Variants in SNX29 observed in about 807,000 individuals in gnomAD.
SNX29 encodes the protein sorting nexin-29.
A neutral mutation model predicts 102.1 loss-of-function variants in SNX29; 78 were observed. The ratio of observed to expected loss-of-function variants is 0.76; its 90% CI spans 0.64 to 0.92. The LOEUF (loss-of-function observed/expected upper bound fraction) is 0.92, where lower values mean the gene tolerates loss of function less well. Ranked by LOEUF, SNX29 falls within the 40% of genes least tolerant of loss-of-function variation. The pLI, the probability that SNX29 is intolerant of heterozygous loss-of-function variation, is 0.00. For synonymous variants in SNX29, 580 were observed against 414.5 expected, an observed-to-expected ratio of 1.40 and a Z score of -4.85; for missense variants, 1,280 against 1,061.7, an observed-to-expected ratio of 1.21 and a Z score of -2.86.
At chr16:12,283,923 T>C (rs1455024052) in intron 15 of SNX29, among the ~76,000 whole-genome samples, 1 of 152,232 alleles carries the variant, frequency 6.6e-6, no homozygotes, top group Non-Finnish European at 1.5e-5. Flanking sequence ...GTGGTGATGC[T>C]CAGAATTTCT....
chr16:12,424,181 G>T (rs1157809457), intron 18 of SNX29, among the ~76,000 whole-genome samples: 1 of 152,200 alleles, frequency 6.6e-6, no homozygotes, highest in Non-Finnish European at 1.5e-5. Flanking sequence ...GCAGTGCAGC[G>T]ACTTTCTCTT....
chr16:12,109,987 T>C (rs193252), intron 11 of SNX29, among the ~76,000 whole-genome samples: 103,093 of 152,030 alleles, frequency 0.68, 36,030 homozygotes, highest in East Asian at 0.91. Context: ...CCTTGGCCTC[T>C]CAGAGTGCTG....
intron 18 of SNX29, among the ~76,000 whole-genome samples, chr16:12,454,970 A>G (rs1465544253): frequency 6.6e-6 from 1 of 151,924 alleles, no homozygotes; most frequent in African/African-American, 2.4e-5. Flanking sequence ...GTGGTCTCGA[A>G]CTCCTGACCT....
intron 11 of SNX29, among the ~76,000 whole-genome samples, chr16:12,118,482 G>A (rs2053834448): frequency 1.3e-5 from 2 of 151,684 alleles, no homozygotes; most frequent in South Asian, 4.2e-4. Flanking sequence ...ACCATGCCCG[G>A]CTGATTTTTG....
intron 14 of SNX29, among the ~76,000 whole-genome samples, chr16:12,252,789 T>C (rs1267647208): frequency 6.6e-6 from 1 of 152,180 alleles, no homozygotes; most frequent in East Asian, 1.9e-4. Context: ...CACCCAGCCA[T>C]GGGGAGCCTT....
At chr16:12,056,427 G>A (rs965061043) in intron 8 of SNX29, among the ~76,000 whole-genome samples, 1 of 152,212 alleles carries the variant, frequency 6.6e-6, no homozygotes, top group Admixed American at 6.5e-5. Context: ...CCACAGAGCA[G>A]CCTGGGGAAG....
chr16:12,181,784 C>T (rs1382955362), intron 13 of SNX29, among the ~76,000 whole-genome samples: 3 of 151,870 alleles, frequency 2.0e-5, no homozygotes, highest in Admixed American at 6.6e-5. Flanking sequence ...CCATGTAGGC[C>T]TTGTGGCTGT....
intron 13 of SNX29, among the ~76,000 whole-genome samples, chr16:12,172,659 G>A (rs2076175004): frequency 6.6e-6 from 1 of 152,160 alleles, no homozygotes; most frequent in African/African-American, 2.4e-5. Context: ...GATATTAAGG[G>A]CTCAAAGAAT....
rs745756900 is a variant in SNX29 at position 12,477,819 on chromosome 16, G to A, written c.2138G>A (p.Arg713Lys). 6 of 1,612,716 alleles carry A rather than the reference G, an allele frequency of 3.7e-6. No homozygotes were observed. The highest frequency in any genetic ancestry group is 5.1e-6 in the Non-Finnish European group (6 of 1,179,532). Reference sequence around the variant, plus strand: ...TTACAAAACAAGTACCCTCAAGTGAGGGCCTACAACTTCCCACCCAAAAAG... The same window carrying A: ...TTACAAAACAAGTACCCTCAAGTGAAGGCCTACAACTTCCCACCCAAAAAG... ...HKLQNKYPQV[R>K]AYNFPPKKAI... The change falls in exon 19 of 21, where the codon AGG becomes AAG. Residue 713 changes from arginine to lysine, a missense_variant. Coordinates refer to ENST00000566228, the MANE Select transcript of SNX29 (RefSeq NM_032167.5).
chr16:12,252,864 C>T (rs956314959), intron 14 of SNX29, among the ~76,000 whole-genome samples: 1 of 152,224 alleles, frequency 6.6e-6, no homozygotes, highest in Non-Finnish European at 1.5e-5. Context: ...GCTGGCTCTT[C>T]CAGCTGTCTA....
In SNX29 at chr16:12,476,825, C is replaced by A. The variant is rs74631872; in HGVS notation, c.2038-894C>A. ...GTTTGGGGTTGATGGGTGGCTTTCA[C>A]GTAGGAACAGAATTTATCACTCACA... On this transcript the variant is annotated intron_variant, in intron 18 of 20. Coordinates refer to ENST00000566228, the MANE Select transcript of SNX29 (RefSeq NM_032167.5). 5.6e-3 allele frequency among the ~76,000 whole-genome samples: 850 copies of A among 152,168 alleles called. 12 individuals are homozygous for A. Among genetic ancestry groups the A allele is most frequent in the East Asian group, 0.034 (175 of 5,170 alleles).
chr16:12,540,995 C>T (rs73508563), intron 20 of SNX29, among the ~76,000 whole-genome samples: 15 of 152,160 alleles, frequency 9.9e-5, no homozygotes, highest in Admixed American at 4.6e-4. Context: ...AAATGGTGAG[C>T]TCACTGCGGG....
At chr16:12,281,916 C>CT (rs2079443157) in intron 15 of SNX29, among the ~76,000 whole-genome samples, 1 of 151,708 alleles carries the variant, frequency 6.6e-6, no homozygotes, top group Non-Finnish European at 1.5e-5. Context: ...CAGATAGAAT[C>CT]TGTTTCCATT....
At chr16:12,493,297 A>C (rs573761030) in intron 19 of SNX29, among the ~76,000 whole-genome samples, 3,496 of 152,188 alleles carry the variant, frequency 0.023, 121 homozygotes, top group African/African-American at 0.078. Flanking sequence ...CTTTGAAGCA[A>C]TTGTGAATGG....
intron 14 of SNX29, among the ~76,000 whole-genome samples, chr16:12,211,364 C>T (rs2077178658): frequency 6.6e-6 from 1 of 152,144 alleles, no homozygotes; most frequent in Non-Finnish European, 1.5e-5. Flanking sequence ...ATAACAGAAG[C>T]TCTGTTCATT....
intron 18 of SNX29, among the ~76,000 whole-genome samples, chr16:12,464,152 G>C (rs147203580): frequency 1.3e-5 from 2 of 150,980 alleles, no homozygotes; most frequent in Non-Finnish European, 2.9e-5. Flanking sequence ...GGTGTAATAC[G>C]ATCCCCTCCA....
intron 18 of SNX29, among the ~76,000 whole-genome samples, chr16:12,436,301 G>A (rs950292980): frequency 2.6e-5 from 4 of 152,254 alleles, no homozygotes; most frequent in South Asian, 2.1e-4. Context: ...GCTCACAGAC[G>A]TTTCTATTCG....
intron 15 of SNX29, among the ~76,000 whole-genome samples, chr16:12,299,081 C>G (rs2080075255): frequency 1.3e-5 from 2 of 151,814 alleles, no homozygotes; most frequent in Admixed American, 1.3e-4. Flanking sequence ...AGGTGAATCA[C>G]TTGAGGTCAG....
rs768100255 is a variant in SNX29 at position 12,069,050 on chromosome 16, T to G, written c.1244-7T>G. The G allele has an allele frequency of 1.2e-5, 19 of 1,613,802 alleles. No homozygotes were observed. Among genetic ancestry groups the G allele is most frequent in the Non-Finnish European group, 1.6e-5 (19 of 1,179,748 alleles). ...GACCTCTTTCTGTGATTGCTCTCTC[T>G]GCACAGATGCCCCCCTCGGAAGCCT... On this transcript the variant is annotated splice_polypyrimidine_tract_variant and splice_region_variant and intron_variant, in intron 9 of 20. Transcript: ENST00000566228.
Sources: allele counts gnomAD v4.1 joint callset (sites outside exome capture counted in the v4.1 genomes callset), GRCh38; gene constraint gnomAD v4.1.1; transcripts MANE v1.5; gene names NCBI Gene and HGNC (gene_info 2026-07-23, HGNC 2026-07-21).